The following KCNG3 variants were observed in gnomAD, a reference collection of about 807,000 sequenced individuals.
KCNG3 encodes potassium voltage-gated channel modifier subfamily G member 3.
In KCNG3, 15 loss-of-function variants were observed where a neutral mutation model predicts 29.0. That is an observed-to-expected ratio of 0.52 (90% CI 0.35 to 0.80). The LOEUF (loss-of-function observed/expected upper bound fraction) is 0.80, where lower values mean the gene tolerates loss of function less well. Ranked by LOEUF, KCNG3 falls within the 30% of genes least tolerant of loss-of-function variation. The probability of loss-of-function intolerance (pLI) is 0.01; values close to 1 mark genes in which losing one functional copy is unlikely to be tolerated. For missense variants in KCNG3, 512 were observed against 605.7 expected, an observed-to-expected ratio of 0.85 and a Z score of 1.62; for synonymous variants, 322 against 248.9, an observed-to-expected ratio of 1.29 and a Z score of -2.76.
the KCNG3 span, among the ~76,000 whole-genome samples, chr2:42,421,674 T>C: frequency 6.6e-6 from 1 of 152,122 alleles, no homozygotes; most frequent in Non-Finnish European, 1.5e-5. Flanking sequence ...TCCTAGTCAC[T>C]AGGAGTTGCA....
chr2:42,392,178 C>T, the KCNG3 span, among the ~76,000 whole-genome samples: 16 of 152,154 alleles, frequency 1.1e-4, no homozygotes, highest in Admixed American at 1.0e-3. Flanking sequence ...GGCATGAACT[C>T]AGGAGGCTCT....
At chr2:42,411,439 G>A in the KCNG3 span, among the ~76,000 whole-genome samples, 30 of 152,118 alleles carry the variant, frequency 2.0e-4, no homozygotes, top group African/African-American at 6.7e-4. Flanking sequence ...GTCTCCTTTA[G>A]TGTCCCTCAG....
intron 1 of KCNG3, among the ~76,000 whole-genome samples, chr2:42,468,045 C>T (rs1451888520): frequency 6.6e-6 from 1 of 150,626 alleles, no homozygotes; most frequent in Non-Finnish European, 1.5e-5. Context: ...AAACTGTAGG[C>T]CAATCTTACT....
the KCNG3 span, among the ~76,000 whole-genome samples, chr2:42,389,916 T>G: frequency 4.9e-3 from 750 of 152,336 alleles, 5 homozygotes; most frequent in African/African-American, 0.017. Flanking sequence ...GGTTATTCAT[T>G]GTTTTGGGGT....
chr2:42,403,793 G>T, the KCNG3 span, among the ~76,000 whole-genome samples: 1 of 151,412 alleles, frequency 6.6e-6, no homozygotes, highest in South Asian at 2.1e-4. Flanking sequence ...TAGAGATGAG[G>T]TCTCACTATA....
At chr2:42,436,318 C>A in the KCNG3 span, among the ~76,000 whole-genome samples, 12 of 152,220 alleles carry the variant, frequency 7.9e-5, no homozygotes, top group Admixed American at 5.9e-4. Flanking sequence ...GGTTATACAG[C>A]TCTATAAATA....
At chr2:42,492,102 A>G (rs1446680250) in intron 1 of KCNG3, among the ~76,000 whole-genome samples, 3 of 152,194 alleles carry the variant, frequency 2.0e-5, no homozygotes, top group African/African-American at 7.2e-5. Context: ...AAAAAAATTT[A>G]CCCAAATACT....
At position 42,493,737 on chromosome 2, in the gene KCNG3, C is replaced by G. The variant is rs1248864864; in HGVS notation, c.-236G>C. 6.0e-6 allele frequency: 2 copies of G among 335,286 alleles called. No homozygotes were observed. Among genetic ancestry groups the G allele is most frequent in the African/African-American group, 2.2e-5 (1 of 46,414 alleles). The allele number at this position is 335,286 out of a possible 1,614,324, so 20.8% of individuals were successfully genotyped here. A position where few individuals can be genotyped will look rare whatever the true frequency, so the allele number is the denominator to read the frequency against. ...GGTACCTGCGGGTGGCCGGGGAGTCCTCGCCGGCGCCAGCGCTGAGCCCCA... is the reference window on the plus strand; with the variant it reads ...GGTACCTGCGGGTGGCCGGGGAGTCGTCGCCGGCGCCAGCGCTGAGCCCCA... On this transcript the variant is annotated 5_prime_UTR_variant, in exon 1 of 2. Coordinates refer to ENST00000306078, the MANE Select transcript of KCNG3 (RefSeq NM_133329.6).
chr2:42,420,702 A>C, the KCNG3 span, among the ~76,000 whole-genome samples: 1 of 152,176 alleles, frequency 6.6e-6, no homozygotes, highest in Non-Finnish European at 1.5e-5. Context: ...GGCAGGGAGA[A>C]TCACTTGAAC....
intron 1 of KCNG3, among the ~76,000 whole-genome samples, chr2:42,466,178 G>C (rs1673136941): frequency 6.6e-6 from 1 of 152,192 alleles, no homozygotes; most frequent in Non-Finnish European, 1.5e-5. Context: ...GGCCAAGATA[G>C]GCGGATCACC....
chr2:42,393,845 A>G, the KCNG3 span, among the ~76,000 whole-genome samples: 2 of 151,632 alleles, frequency 1.3e-5, no homozygotes, highest in Non-Finnish European at 2.9e-5. Flanking sequence ...CAATGGTGCA[A>G]TCTCAGCTCA....
chr2:42,389,882 T>C, the KCNG3 span, among the ~76,000 whole-genome samples: 2 of 152,250 alleles, frequency 1.3e-5, no homozygotes, highest in Non-Finnish European at 2.9e-5. Flanking sequence ...CTTTGGGGGC[T>C]TGCTGTCTGT....
At chr2:42,439,046 C>T (rs1672423118), downstream of KCNG3, among the ~76,000 whole-genome samples, 1 of 152,086 alleles carries the variant, frequency 6.6e-6, no homozygotes, top group Non-Finnish European at 1.5e-5. Context: ...CTGAGAATGT[C>T]CTGAATAATG....
intron 1 of KCNG3, among the ~76,000 whole-genome samples, chr2:42,478,873 T>C (rs1373746881): frequency 6.6e-6 from 1 of 152,148 alleles, no homozygotes; most frequent in Non-Finnish European, 1.5e-5. Context: ...TTTTAATACA[T>C]TACTAAAACA....
At chr2:42,426,603 AATCACTTGCTGTCTTTAGC>A in the KCNG3 span, among the ~76,000 whole-genome samples, 1 of 152,232 alleles carries the variant, frequency 6.6e-6, no homozygotes, top group Non-Finnish European at 1.5e-5. Flanking sequence ...TTATCTGTTC[AATCACTTGCTGTCTTTAGC>A]AGTAAAAGTC....
At chr2:42,398,615 T>C in the KCNG3 span, among the ~76,000 whole-genome samples, 57 of 152,296 alleles carry the variant, frequency 3.7e-4, no homozygotes, top group Non-Finnish European at 5.0e-4. Context: ...CTTGCAACAG[T>C]AGAAGGTTCA....
At chr2:42,466,848 G>A (rs1194234558) in intron 1 of KCNG3, among the ~76,000 whole-genome samples, 4 of 151,434 alleles carry the variant, frequency 2.6e-5, no homozygotes, top group African/African-American at 4.9e-5. Flanking sequence ...TGCCACCCGG[G>A]TTCAAGCGAT....
the KCNG3 span, among the ~76,000 whole-genome samples, chr2:42,411,250 T>G: frequency 3.3e-5 from 5 of 152,222 alleles, no homozygotes; most frequent in Non-Finnish European, 7.3e-5. Context: ...TCAATTTTAT[T>G]CTTGCCATTC....
At chr2:42,439,276 G>T (rs891405031), downstream of KCNG3, among the ~76,000 whole-genome samples, 15 of 150,434 alleles carry the variant, frequency 1.0e-4, no homozygotes, top group African/African-American at 3.7e-4. Context: ...TGATTTTTTT[G>T]AGAGAGAGAG....
Sources: gnomAD v4.1 joint callset for allele counts (sites outside exome capture counted in the v4.1 genomes callset) on GRCh38, gnomAD v4.1.1 for gene constraint, MANE v1.5 for transcripts, NCBI Gene and HGNC (gene_info 2026-07-23, HGNC 2026-07-21) for gene names.